The following LHX4 variants were observed in gnomAD, a reference collection of about 807,000 sequenced individuals.
LHX4 encodes the protein LIM/homeobox protein Lhx4.
A neutral mutation model predicts 39.2 loss-of-function variants in LHX4; 16 were observed. That is an observed-to-expected ratio of 0.41 (90% CI 0.28 to 0.62). The LOEUF (loss-of-function observed/expected upper bound fraction) is 0.62. Ranked by LOEUF, LHX4 falls within the 20% of genes least tolerant of loss-of-function variation. The pLI is 0.33. For synonymous variants in LHX4, 206 were observed against 198.1 expected (o/e 1.04, Z -0.33); for missense variants, 439 against 511.9 (o/e 0.86, Z 1.37).
At chr1:180,246,136 G>A (rs116306288) in intron 1 of LHX4, among the ~76,000 whole-genome samples, 9 of 152,308 alleles carry the variant, frequency 5.9e-5, no homozygotes, top group East Asian at 1.9e-4. Context: ...TGACTTCCAC[G>A]CAAATACTGG....
chr1:180,236,079 G>A (rs890764546), intron 1 of LHX4, among the ~76,000 whole-genome samples: 11 of 152,090 alleles, frequency 7.2e-5, no homozygotes, highest in Non-Finnish European at 1.3e-4. Flanking sequence ...GGGGGGTTAA[G>A]GCAAGAATGT....
At position 180,248,301 on chromosome 1, in the gene LHX4, T is replaced by A; in HGVS notation, c.93T>A (p.Ala31=). The change falls in exon 2 of 6, where the codon GCT becomes GCA. Residue 31 remains alanine (A), a synonymous_variant. Transcript: ENST00000263726. ...TCCTCACAGAGATTCCCCAGTGCGC[T>A]GGCTGCAACCAGCACATCCTGGACA... ...GVPMQQIPQC[A]GCNQHILDKF... is the part of the protein sequence containing the mutation. The A allele has an allele frequency of 6.2e-7, 1 of 1,614,140 alleles. No individual in the cohort carries two copies. Among genetic ancestry groups the A allele is most frequent in the Non-Finnish European group, 8.5e-7 (1 of 1,180,010 alleles).
chr1:180,271,672 G>A, intron 4 of LHX4, 138 bp downstream of exon 4: 1 of 1,335,892 alleles, frequency 7.5e-7, no homozygotes, highest in East Asian at 2.3e-5. Context: ...TGAAGACAGA[G>A]TTCTGAGGCC....
intron 1 of LHX4, among the ~76,000 whole-genome samples, chr1:180,238,598 C>A (rs1276346910): frequency 6.6e-6 from 1 of 152,018 alleles, no homozygotes; most frequent in Admixed American, 6.6e-5. Context: ...CATTGATGTT[C>A]AATGTGCCTT....
intron 1 of LHX4, among the ~76,000 whole-genome samples, chr1:180,238,411 G>GA (rs1021566398): frequency 6.6e-6 from 1 of 152,186 alleles, no homozygotes; most frequent in Non-Finnish European, 1.5e-5. Context: ...AGACAAACTA[G>GA]AAAAAACTAG....
chr1:180,237,854 A>G (rs979876333), intron 1 of LHX4, among the ~76,000 whole-genome samples: 4 of 152,268 alleles, frequency 2.6e-5, no homozygotes, highest in African/African-American at 9.6e-5. Flanking sequence ...AACATATGGA[A>G]TACTGTTACA....
chr1:180,262,090 C>A (rs1279960737), intron 2 of LHX4, among the ~76,000 whole-genome samples: 4 of 152,114 alleles, frequency 2.6e-5, no homozygotes, highest in Non-Finnish European at 5.9e-5. Context: ...GCATTCCATG[C>A]AAAATGGTTT....
chr1:180,255,667 C>A (rs952699461), intron 2 of LHX4, among the ~76,000 whole-genome samples: 1 of 152,226 alleles, frequency 6.6e-6, no homozygotes. Flanking sequence ...AATTACTTAG[C>A]CCCGAAGCTC....
chr1:180,229,956 A>AGGCGGAGGCGGGGGGGGCGGGGGG (rs1558204856), upstream of LHX4, among the ~76,000 whole-genome samples: 17 of 16,608 alleles, frequency 1.0e-3, 4 homozygotes, highest in Non-Finnish European at 1.6e-3. Flanking sequence ...GCGGAGGCGG[A>AGGCGGAGGCGGGGGGGGCGGGGGG]GGCGGGGAGG....
chr1:180,255,999 C>T (rs1647841630), intron 2 of LHX4, among the ~76,000 whole-genome samples: 1 of 152,238 alleles, frequency 6.6e-6, no homozygotes, highest in Non-Finnish European at 1.5e-5. Flanking sequence ...GCACAGCAGC[C>T]AGCGGCACCT....
chr1:180,246,450 G>A (rs778658671), intron 1 of LHX4, among the ~76,000 whole-genome samples: 1 of 152,196 alleles, frequency 6.6e-6, no homozygotes, highest in South Asian at 2.1e-4. Flanking sequence ...GGTGGCTCAC[G>A]CCTGTAATCC....
Position 180,271,936 on chromosome 1 carries a change from C to T in LHX4, c.708C>T (p.Gly236=). ...QFYKSVKRSR[G]SSKQEKESSA... ...ATAAGAGCGTCAAGAGGAGCCGGGG[C>T]AGCAGCAAGCAGGAGAAGGAGAGCT... The change falls in exon 5 of 6, where the codon GGC becomes GGT. Residue 236 remains glycine (G), a synonymous_variant. Transcript: ENST00000263726. 6.2e-7 allele frequency: 1 copy of T among 1,613,240 alleles called. No individual in the cohort carries two copies.
At chr1:180,241,218 C>G (rs1322081186) in intron 1 of LHX4, among the ~76,000 whole-genome samples, 2 of 152,268 alleles carry the variant, frequency 1.3e-5, no homozygotes, top group Middle Eastern at 3.4e-3. Context: ...TCTGCCAGAT[C>G]CCTTTATTCC....
rs200187045 is a variant in LHX4 at position 180,274,566 on chromosome 1, A to C, written c.1160A>C (p.His387Pro). ...SPGSWLDEMD[H>P]PPF ...GGCTCTTGGCTCGATGAAATGGATC[A>C]TCCTCCTTTTTAAACTTCTCTCCTC... The change falls in exon 6 of 6, where the codon CAT (histidine) becomes CCT (proline). Residue 387 changes from histidine (H) to proline (P), a missense_variant. His to Pro is a moderately conservative substitution (Grantham distance 77, BLOSUM62 -2). Coordinates refer to ENST00000263726, the MANE Select transcript of LHX4 (RefSeq NM_033343.4). 1.7e-4 allele frequency: 271 copies of C among 1,579,494 alleles called. 2 individuals carry two copies. In the East Asian group the frequency reaches 6.0e-3, roughly 35 times the overall value.
chr1:180,258,134 AG>A lies in LHX4; in HGVS notation c.249-8253del, dbSNP rs529204571. Among the ~76,000 whole-genome samples, 33 of 152,258 alleles carry A rather than the reference AG, an allele frequency of 2.2e-4. 1 individual carries two copies. The East Asian group carries it at 6.2e-3, about 28-fold the overall frequency. On this transcript the variant is annotated intron_variant, in intron 2 of 5. Transcript: ENST00000263726. Reference sequence around the variant, plus strand: ...CTGTTGCAGAACTTGCCTTCTAGAGAGGGGGAAACAGGGTCAGCAAGAAATA... The same window carrying A: ...CTGTTGCAGAACTTGCCTTCTAGAGAGGGGAAACAGGGTCAGCAAGAAATA...
chr1:180,265,098 T>C (rs1408840277), intron 2 of LHX4, among the ~76,000 whole-genome samples: 1 of 152,222 alleles, frequency 6.6e-6, no homozygotes, highest in Non-Finnish European at 1.5e-5. Context: ...TTCATCATGA[T>C]AGCCATGACC....
rs752362672 is a variant in LHX4, at chr1:180,271,565, G to C, written c.606+31G>C. ...ATGCCAGCACTCCTGTGCCCTCCGG[G>C]GATCCCAGGCCCGGGACAGGGGTGG... On this transcript the variant is annotated intron_variant, in intron 4 of 5. Transcript: ENST00000263726. 1.9e-6 allele frequency: 3 copies of C among 1,613,326 alleles called. No individual in the cohort carries two copies. In the South Asian group the frequency reaches 3.3e-5, roughly 18 times the overall value.
chr1:180,245,763 G>A (rs1048527443), intron 1 of LHX4, among the ~76,000 whole-genome samples: 3 of 151,986 alleles, frequency 2.0e-5, no homozygotes, highest in Non-Finnish European at 4.4e-5. Context: ...CCTTTTACAG[G>A]TGAGGAAACT....
intron 2 of LHX4, among the ~76,000 whole-genome samples, chr1:180,259,353 G>A (rs1648006801): frequency 6.6e-6 from 1 of 152,084 alleles, no homozygotes; most frequent in Non-Finnish European, 1.5e-5. Flanking sequence ...GGAGCCAGCA[G>A]AGGTGAAGCT....
Sources: allele counts gnomAD v4.1 joint callset (sites outside exome capture counted in the v4.1 genomes callset), GRCh38; gene constraint gnomAD v4.1.1; transcripts MANE v1.5; gene names NCBI Gene and HGNC (gene_info 2026-07-23, HGNC 2026-07-21).